MIA2: variants seen among roughly 807,000 people sequenced by gnomAD.
MIA2 encodes melanoma inhibitory activity protein 2.
In MIA2, 127 loss-of-function variants were observed where a neutral mutation model predicts 167.8. The observed-to-expected ratio is 0.76, with a 90% confidence interval of 0.66 to 0.88. The LOEUF (loss-of-function observed/expected upper bound fraction) is 0.88. MIA2 is among the 40% of genes least tolerant of loss of function. The probability of loss-of-function intolerance (pLI) is 0.00; values close to 1 mark genes in which losing one functional copy is unlikely to be tolerated. For missense variants in MIA2, 1,690 were observed against 1,624.7 expected, an observed-to-expected ratio of 1.04 and a Z score of -0.69; for synonymous variants, 552 against 541.9, an observed-to-expected ratio of 1.02 and a Z score of -0.26.
chr14:39,380,467 G>T (rs1351612545), intron 23 of MIA2, among the ~76,000 whole-genome samples: 1 of 151,974 alleles, frequency 6.6e-6, no homozygotes, highest in East Asian at 1.9e-4. Flanking sequence ...GGCCAAGGAG[G>T]GCAGATCACG....
chr14:39,349,774 TG>T (rs2074133877), intron 28 of MIA2, among the ~76,000 whole-genome samples: 2 of 152,208 alleles, frequency 1.3e-5, no homozygotes, highest in African/African-American at 4.8e-5. Flanking sequence ...TACATGCAGA[TG>T]TTTTTTGAGG....
At chr14:39,362,456 T>C (rs2074704474) in intron 23 of MIA2, among the ~76,000 whole-genome samples, 1 of 152,178 alleles carries the variant, frequency 6.6e-6, no homozygotes, top group Non-Finnish European at 1.5e-5. Context: ...TCCTCTAGGT[T>C]TTTTCAGTTT....
Position 39,319,308 on chromosome 14 carries a change from T to A in MIA2, c.3367+17T>A, listed in dbSNP as rs921245726. 2.4e-5 allele frequency: 32 copies of A among 1,347,642 alleles called. No individual in the cohort carries two copies. The highest frequency in any genetic ancestry group is 3.1e-5 in the Non-Finnish European group (31 of 988,786). The allele number at this position is 1,347,642 out of a possible 1,614,324, so 83.5% of individuals were successfully genotyped here. A position where few individuals can be genotyped will look rare whatever the true frequency, so the allele number is the denominator to read the frequency against. On this transcript the variant is annotated intron_variant, in intron 23 of 28. Coordinates refer to ENST00000640607, the MANE Select transcript of MIA2 (RefSeq NM_001329214.4). ...TTGGCAGAGGTAGTCTTTTTTTTTT[T>A]ACCCCTCATTTAAAATACATATTTT...
intron 25 of MIA2, among the ~76,000 whole-genome samples, chr14:39,344,533 T>A (rs528524344): frequency 6.6e-6 from 1 of 152,328 alleles, no homozygotes; most frequent in Non-Finnish European, 1.5e-5. Context: ...GGGAGCTCAT[T>A]AAATATAATT....
chr14:39,381,339 T>C (rs1050379554), intron 23 of MIA2, among the ~76,000 whole-genome samples: 6 of 152,182 alleles, frequency 3.9e-5, no homozygotes, highest in South Asian at 2.1e-4. Flanking sequence ...TAAAGGCCTT[T>C]TAAATACACA....
At chr14:39,334,700 G>A (rs1172654309) in intron 25 of MIA2, among the ~76,000 whole-genome samples, 2 of 151,720 alleles carry the variant, frequency 1.3e-5, no homozygotes, top group African/African-American at 4.8e-5. Context: ...CCGAGTACCC[G>A]GGATTACAGG....
Position 39,315,714 on chromosome 14 carries a change from AT to A in MIA2, c.3214del (p.Trp1072GlyfsTer14). On this transcript the variant is annotated frameshift_variant, in exon 21 of 29. Coordinates refer to ENST00000640607, the MANE Select transcript of MIA2 (RefSeq NM_001329214.4). LOFTEE classifies it high-confidence loss of function. Reference sequence around the variant, plus strand: ...TCCCATGAGAAAAAAGCACATGATAATTGGGTAAGTTTAAAATTTCCTTAAG... The same window carrying A: ...TCCCATGAGAAAAAAGCACATGATAATGGGTAAGTTTAAAATTTCCTTAAG... ...IISHEKKAHD[N>X]WLAARNAERN... 1 of 1,550,310 alleles carries A rather than the reference AT, an allele frequency of 6.5e-7. No homozygotes were observed. Among genetic ancestry groups the A allele is most frequent in the African/African-American group, 1.4e-5 (1 of 73,272 alleles).
chr14:39,276,516 A>C (rs1375742531), intron 6 of MIA2: 1 of 156,024 alleles, frequency 6.4e-6, no homozygotes, highest in Non-Finnish European at 1.4e-5. Flanking sequence ...GCTGGCTTTG[A>C]ATCAAACTTT....
intron 14 of MIA2, among the ~76,000 whole-genome samples, chr14:39,300,525 A>T (rs1203789076): frequency 6.6e-6 from 1 of 152,114 alleles, no homozygotes; most frequent in Non-Finnish European, 1.5e-5. Context: ...TCAAATAATG[A>T]TATGTAAAAC....
intron 6 of MIA2, among the ~76,000 whole-genome samples, chr14:39,268,790 C>T (rs539627888): frequency 6.6e-6 from 1 of 152,184 alleles, no homozygotes; most frequent in South Asian, 2.1e-4. Context: ...GGAGAAATAG[C>T]CTCTAAGAGC....
chr14:39,335,363 G>A (rs2070115114), intron 25 of MIA2, among the ~76,000 whole-genome samples: 1 of 152,096 alleles, frequency 6.6e-6, no homozygotes, highest in Non-Finnish European at 1.5e-5. Flanking sequence ...TTTATAAAAT[G>A]TATATATTTT....
intron 25 of MIA2, among the ~76,000 whole-genome samples, chr14:39,335,593 A>T (rs2070191275): frequency 7.0e-6 from 1 of 141,930 alleles, no homozygotes; most frequent in Admixed American, 7.0e-5. Flanking sequence ...ACATTCTTTT[A>T]AAAAATATTT....
chr14:39,289,576 A>G (rs980597189), intron 9 of MIA2, among the ~76,000 whole-genome samples: 1 of 152,140 alleles, frequency 6.6e-6, no homozygotes, highest in African/African-American at 2.4e-5. Context: ...AATTAGTGCA[A>G]CCTAGTGGTG....
At chr14:39,246,040 G>T (rs1028912172) in intron 3 of MIA2, among the ~76,000 whole-genome samples, 1 of 151,758 alleles carries the variant, frequency 6.6e-6, no homozygotes, top group African/African-American at 2.4e-5. Context: ...TGAAAGCATT[G>T]ATTGCCTCTG....
chr14:39,267,094 C>G (rs2055872739), intron 6 of MIA2: 1 of 1,107,112 alleles, frequency 9.0e-7, no homozygotes, highest in Non-Finnish European at 1.1e-6. Context: ...GCGAAGCTTG[C>G]GCGAAGAAGG....
chr14:39,302,631 A>G (rs1380978895), intron 15 of MIA2, among the ~76,000 whole-genome samples: 1 of 152,202 alleles, frequency 6.6e-6, no homozygotes, highest in African/African-American at 2.4e-5. Flanking sequence ...ACTTCAGGAT[A>G]CTTCTTTTGC....
chr14:39,381,861 TTAAA>T lies in MIA2; in HGVS notation c.2249-5023_2249-5020del, dbSNP rs748421438. ...AAATCAACAACAACAACAAGAACAA[TTAAA>T]CAACACAAATGATGCTTGCACAATT... is the stretch of plus-strand genomic sequence containing the variant. On this transcript the variant is annotated intron_variant, in intron 23 of 23. Transcript: ENST00000341502. Among the ~76,000 whole-genome samples, 960 of 135,788 alleles carry T rather than the reference TTAAA, an allele frequency of 7.1e-3. 4 individuals are homozygous for T. The highest frequency in any genetic ancestry group is 0.012 in the Non-Finnish European group (738 of 63,088). 89.1% of individuals were successfully genotyped at this position (135,788 alleles called of 152,430 possible).
chr14:39,235,069 T>A (rs912235605), intron 1 of MIA2, among the ~76,000 whole-genome samples: 13 of 151,864 alleles, frequency 8.6e-5, no homozygotes, highest in Middle Eastern at 3.2e-3. Context: ...GGAGTCTTGC[T>A]CTGTCACCCA....
At chr14:39,347,473 A>G (rs929879750) in intron 26 of MIA2, 2 of 494,374 alleles carry the variant, frequency 4.0e-6, no homozygotes, top group Non-Finnish European at 7.2e-6. Context: ...ATTCTGCTCC[A>G]GCAGGATTGC....
Sources: gnomAD v4.1 joint callset for allele counts (sites outside exome capture counted in the v4.1 genomes callset) on GRCh38, gnomAD v4.1.1 for gene constraint, MANE v1.5 for transcripts, NCBI Gene and HGNC (gene_info 2026-07-23, HGNC 2026-07-21) for gene names.